Variants in MGAT4C observed in about 807,000 individuals in gnomAD.
The protein encoded by MGAT4C is alpha-1,3-mannosyl-glycoprotein 4-beta-N-acetylglucosaminyltransferase C.
Under a neutral mutation model 40.1 loss-of-function variants are expected in MGAT4C, and 19 were observed. The ratio of observed to expected loss-of-function variants is 0.47; its 90% confidence interval spans 0.33 to 0.70. The LOEUF is 0.70. Ranked by LOEUF, MGAT4C falls within the 30% of genes least tolerant of loss-of-function variation. The pLI is 0.02. For missense variants in MGAT4C, 491 were observed against 563.2 expected (o/e 0.87, Z 1.30); for synonymous variants, 181 against 187.1 (o/e 0.97, Z 0.27).
chr12:86,048,222 T>C (rs1358830171), intron 2 of MGAT4C, among the ~76,000 whole-genome samples: 5 of 152,014 alleles, frequency 3.3e-5, no homozygotes, highest in Non-Finnish European at 7.4e-5. Flanking sequence ...GAAAACCAAA[T>C]ACTCCGTGTT....
chr12:86,760,859 G>T (rs1463382322), intron 1 of MGAT4C, among the ~76,000 whole-genome samples: 1 of 152,142 alleles, frequency 6.6e-6, no homozygotes, highest in Non-Finnish European at 1.5e-5. Flanking sequence ...TGTATGTGGT[G>T]TATAATTCCA....
At chr12:86,367,714 G>C (rs1310925293) in intron 3 of MGAT4C, among the ~76,000 whole-genome samples, 1 of 152,132 alleles carries the variant, frequency 6.6e-6, no homozygotes, top group Non-Finnish European at 1.5e-5. Context: ...CAGGAGAATG[G>C]CGTGAATCCT....
At chr12:86,197,448 C>G (rs1949859396) in intron 1 of MGAT4C, among the ~76,000 whole-genome samples, 1 of 152,156 alleles carries the variant, frequency 6.6e-6, no homozygotes, top group African/African-American at 2.4e-5. Context: ...AATTAGGTCA[C>G]AGGGTGGAGC....
chr12:86,758,390 TA>T (rs5799793), intron 1 of MGAT4C, among the ~76,000 whole-genome samples: 19,619 of 129,160 alleles, frequency 0.15, 1,612 homozygotes, highest in African/African-American at 0.25. Context: ...TTTTTTTTTT[TA>T]AAAAAAAGAA....
intron 3 of MGAT4C, among the ~76,000 whole-genome samples, chr12:86,360,695 GACAA>G (rs1357419532): frequency 1.3e-5 from 2 of 152,096 alleles, no homozygotes; most frequent in Non-Finnish European, 2.9e-5. Context: ...ACCAATAACA[GACAA>G]ACAGAGAGCC....
chr12:86,369,083 T>C (rs1234752937), intron 3 of MGAT4C, among the ~76,000 whole-genome samples: 4 of 152,058 alleles, frequency 2.6e-5, no homozygotes, highest in Non-Finnish European at 5.9e-5. Flanking sequence ...ATTATACATT[T>C]CTTTTGAATT....
chr12:86,041,805 G>T (rs1384780470), intron 2 of MGAT4C, among the ~76,000 whole-genome samples: 2 of 152,154 alleles, frequency 1.3e-5, no homozygotes, highest in Non-Finnish European at 2.9e-5. Context: ...TTGTTTTTGG[G>T]TGGAGAGTTC....
At chr12:86,480,863 T>C (rs1335119039) in intron 2 of MGAT4C, among the ~76,000 whole-genome samples, 1 of 151,872 alleles carries the variant, frequency 6.6e-6, no homozygotes, top group Non-Finnish European at 1.5e-5. Context: ...TGTTTCTTTT[T>C]TTTTCTTCTT....
rs5799763 is a variant in MGAT4C at position 85,957,657 on chromosome 12, C to CAAAAAAAAAAAAAAAAAAGAAA, written c.*21631_*21632insTTTCTTTTTTTTTTTTTTTTTT. 1 of 101,306 alleles carries CAAAAAAAAAAAAAAAAAAGAAA rather than the reference C, an allele frequency of 9.9e-6. No individual in the cohort carries two copies. The highest frequency in any genetic ancestry group is 1.9e-5 in the Non-Finnish European group (1 of 52,742). 6.3% of individuals were successfully genotyped at this position (101,306 alleles called of 1,614,324 possible). A position where few individuals can be genotyped will look rare whatever the true frequency, so the allele number is the denominator to read the frequency against. The stretch of plus-strand genomic sequence containing the variant: ...TTTACTGTAGAGTTGAATAAGAAAG[C>CAAAAAAAAAAAAAAAAAAGAAA]AAAAAAAAAAAAAAAAGAAAAAAGA... On this transcript the variant is annotated 3_prime_UTR_variant, in exon 5 of 5. Coordinates refer to ENST00000611864, the MANE Select transcript of MGAT4C (RefSeq NM_001351288.2).
chr12:86,579,901 A>C (rs1401155912), intron 2 of MGAT4C, among the ~76,000 whole-genome samples: 2 of 151,582 alleles, frequency 1.3e-5, no homozygotes, highest in African/African-American at 4.8e-5. Context: ...TCCACTGAAA[A>C]GACTGCTGTC....
chr12:86,607,586 G>A (rs989764864), intron 2 of MGAT4C, among the ~76,000 whole-genome samples: 1 of 152,114 alleles, frequency 6.6e-6, no homozygotes, highest in Non-Finnish European at 1.5e-5. Flanking sequence ...AAAACAATGT[G>A]AATAGTGGTC....
intron 2 of MGAT4C, among the ~76,000 whole-genome samples, chr12:86,536,340 T>C (rs1197071668): frequency 1.3e-5 from 2 of 152,280 alleles, no homozygotes; most frequent in Admixed American, 6.5e-5. Context: ...GTAAGTGTCA[T>C]GTATTCCTGT....
At chr12:86,376,203 G>A (rs1232501766) in intron 3 of MGAT4C, among the ~76,000 whole-genome samples, 2 of 146,466 alleles carry the variant, frequency 1.4e-5, no homozygotes, top group South Asian at 4.4e-4. Flanking sequence ...TGAGAGACAT[G>A]GAGATAACAC....
chr12:86,711,582 G>A (rs541122207), intron 2 of MGAT4C, among the ~76,000 whole-genome samples: 12 of 152,052 alleles, frequency 7.9e-5, no homozygotes, highest in African/African-American at 2.9e-4. Flanking sequence ...CTTTTAAGTA[G>A]TACAACTTTT....
At chr12:86,409,839 G>A (rs965305566) in intron 3 of MGAT4C, among the ~76,000 whole-genome samples, 1 of 151,992 alleles carries the variant, frequency 6.6e-6, no homozygotes, top group African/African-American at 2.4e-5. Context: ...TTCAATGTAG[G>A]TATTTCGATT....
At chr12:86,502,034 A>G (rs1436441849) in intron 2 of MGAT4C, among the ~76,000 whole-genome samples, 1 of 152,136 alleles carries the variant, frequency 6.6e-6, no homozygotes, top group Non-Finnish European at 1.5e-5. Flanking sequence ...CTTTAAAATT[A>G]GGACTCATGA....
intron 2 of MGAT4C, among the ~76,000 whole-genome samples, chr12:86,494,717 G>GA (rs1958207589): frequency 6.6e-6 from 1 of 151,430 alleles, no homozygotes; most frequent in Non-Finnish European, 1.5e-5. Context: ...TTTAGTTTCA[G>GA]AAAATACAAA....
chr12:86,370,179 G>A (rs1566330659), intron 3 of MGAT4C, among the ~76,000 whole-genome samples: 1 of 151,928 alleles, frequency 6.6e-6, no homozygotes, highest in Admixed American at 6.6e-5. Flanking sequence ...TAGAAATGAG[G>A]TGCAGCTCAT....
intron 2 of MGAT4C, among the ~76,000 whole-genome samples, chr12:86,625,565 C>A (rs957227690): frequency 1.3e-5 from 2 of 151,906 alleles, no homozygotes; most frequent in East Asian, 3.9e-4. Context: ...GAGATGAAAT[C>A]AAAGGAACAT....
Sources: gnomAD v4.1 joint callset for allele counts (sites outside exome capture counted in the v4.1 genomes callset) on GRCh38, gnomAD v4.1.1 for gene constraint, MANE v1.5 for transcripts, NCBI Gene and HGNC (gene_info 2026-07-23, HGNC 2026-07-21) for gene names.